Variants in CDH4 observed in about 807,000 individuals in gnomAD.
CDH4 encodes the protein cadherin-4.
CDH4 carries 33 observed loss-of-function variants against 86.0 expected under a neutral mutation model. That is an observed-to-expected ratio of 0.38 (90% CI 0.29 to 0.51). The LOEUF is 0.51. Among genes scored for constraint, CDH4 ranks in the 20% least tolerant of loss-of-function variants. The pLI is 0.86. For synonymous variants in CDH4, 555 were observed against 549.4 expected (o/e 1.01, Z -0.14); for missense variants, 1,114 against 1,307.4 (o/e 0.85, Z 2.28).
intron 2 of CDH4, among the ~76,000 whole-genome samples, chr20:61,628,978 A>G (rs1288688153): frequency 7.2e-5 from 11 of 152,186 alleles, no homozygotes; most frequent in Admixed American, 4.6e-4. Context: ...ATAAATGCTT[A>G]ATGAGCGTGT....
At chr20:61,506,248 C>T (rs2085740847) in intron 2 of CDH4, among the ~76,000 whole-genome samples, 1 of 152,074 alleles carries the variant, frequency 6.6e-6, no homozygotes, top group Non-Finnish European at 1.5e-5. Context: ...GCGGTGCATG[C>T]AAAAAACAAA....
Position 61,449,250 on chromosome 20 carries a change from G to T in CDH4, c.169+194313G>T, listed in dbSNP as rs530170566. Among the ~76,000 whole-genome samples the T allele has an allele frequency of 1.6e-4, 24 of 152,284 alleles. No homozygotes were observed. The Middle Eastern group carries it at 0.01, about 65-fold the overall frequency. On this transcript the variant is annotated intron_variant, in intron 2 of 15. Transcript: ENST00000614565. ...CATGGTGCATTTATCTCCACGGGGG[G>T]GCCGAGGGACCTTGAAACCAAGGTC... is the stretch of plus-strand genomic sequence containing the variant.
rs1984875331 is a variant in CDH4 at position 61,892,694 on chromosome 20, T to C, written c.1051-2216T>C. ...GCTGCATAATAAAAGATCCCAAAAC[T>C]TAGCAGCCTAAAACAACCACCATTT... On this transcript the variant is annotated intron_variant, in intron 7 of 15. Transcript: ENST00000614565. 1.3e-5 allele frequency among the ~76,000 whole-genome samples: 2 copies of C among 152,156 alleles called. 1 individual carries two copies. Among genetic ancestry groups the C allele is most frequent in the South Asian group, 4.1e-4 (2 of 4,828 alleles).
At chr20:61,534,481 G>A (rs541803262) in intron 2 of CDH4, among the ~76,000 whole-genome samples, 12 of 152,166 alleles carry the variant, frequency 7.9e-5, no homozygotes, top group African/African-American at 1.4e-4. Flanking sequence ...CAGGCTCACC[G>A]CCGTGATCGG....
chr20:61,565,303 G>C lies in CDH4; in HGVS notation c.170-178260G>C, dbSNP rs6121690. The stretch of plus-strand genomic sequence containing the variant: ...GTGATGGGGTGATGGTGGTGGCGGT[G>C]CTCTTGGTGGTGGCGGTGCTCTTGG... On this transcript the variant is annotated intron_variant, in intron 2 of 15. Transcript: ENST00000614565. Among the ~76,000 whole-genome samples, 443 of 51,108 alleles carry C rather than the reference G, an allele frequency of 8.7e-3. 22 individuals carry two copies. Among genetic ancestry groups the C allele is most frequent in the Non-Finnish European group, 0.014 (330 of 24,076 alleles). 33.5% of individuals were successfully genotyped at this position (51,108 alleles called of 152,430 possible).
chr20:61,493,729 C>T (rs1047624682), intron 2 of CDH4, among the ~76,000 whole-genome samples: 1 of 152,170 alleles, frequency 6.6e-6, no homozygotes, highest in South Asian at 2.1e-4. Context: ...CCTCCCTAGC[C>T]AGTCTTCTTG....
At chr20:61,337,348 A>ATTGATG (rs2123276123) in intron 2 of CDH4, among the ~76,000 whole-genome samples, 1 of 442 alleles carries the variant, frequency 2.3e-3, no homozygotes, top group African/African-American at 6.5e-3. Flanking sequence ...TGGTGATGAT[A>ATTGATG]ACAATGGTGA....
chr20:61,723,013 C>T (rs1001119863), intron 2 of CDH4, among the ~76,000 whole-genome samples: 12 of 152,176 alleles, frequency 7.9e-5, no homozygotes, highest in African/African-American at 2.9e-4. Context: ...TTGGACTGAC[C>T]CCTGGCTGAG....
At chr20:61,821,710 G>A (rs1297321412) in intron 4 of CDH4, among the ~76,000 whole-genome samples, 1 of 152,226 alleles carries the variant, frequency 6.6e-6, no homozygotes, top group Non-Finnish European at 1.5e-5. Flanking sequence ...GTCTACTTTG[G>A]ATCTACAGGA....
chr20:61,845,770 G>A (rs1281438745), intron 5 of CDH4, among the ~76,000 whole-genome samples: 1 of 152,264 alleles, frequency 6.6e-6, no homozygotes, highest in Non-Finnish European at 1.5e-5. Context: ...TGGTAACTCG[G>A]GAACAACCAT....
intron 3 of CDH4, among the ~76,000 whole-genome samples, chr20:61,768,956 GC>G (rs2088737463): frequency 6.6e-6 from 1 of 152,204 alleles, no homozygotes; most frequent in Non-Finnish European, 1.5e-5. Context: ...GATTCAGAGG[GC>G]CCTGGTGAGC....
chr20:61,715,298 A>G (rs1013882169), intron 2 of CDH4, among the ~76,000 whole-genome samples: 4 of 152,206 alleles, frequency 2.6e-5, no homozygotes, highest in Admixed American at 6.5e-5. Flanking sequence ...TAAATTCTGC[A>G]TATGAGTCCT....
intron 4 of CDH4, among the ~76,000 whole-genome samples, chr20:61,808,422 C>T (rs1406706044): frequency 6.6e-6 from 1 of 152,124 alleles, no homozygotes; most frequent in East Asian, 1.9e-4. Flanking sequence ...AATCACTCCG[C>T]CCTGCAGTCG....
At chr20:61,772,953 C>G in intron 3 of CDH4, 50 bp from the exon 4 acceptor site, 1 of 1,547,778 alleles carries the variant, frequency 6.5e-7, no homozygotes, top group East Asian at 2.3e-5. Context: ...TTCCTCTGTG[C>G]AAAACCTAAC....
intron 2 of CDH4, among the ~76,000 whole-genome samples, chr20:61,640,341 G>A (rs1301348679): frequency 6.6e-6 from 1 of 152,224 alleles, no homozygotes; most frequent in African/African-American, 2.4e-5. Flanking sequence ...CATCCAGGGT[G>A]CATGAGGGCC....
chr20:61,768,390 G>A (rs1478786804), intron 3 of CDH4, among the ~76,000 whole-genome samples: 6 of 152,122 alleles, frequency 3.9e-5, no homozygotes, highest in Admixed American at 3.9e-4. Context: ...GCATACATGT[G>A]TGCATAGCGC....
intron 2 of CDH4, among the ~76,000 whole-genome samples, chr20:61,266,589 G>A (rs951935268): frequency 2.0e-5 from 3 of 151,756 alleles, no homozygotes; most frequent in East Asian, 2.0e-4. Context: ...AAGGAGAAAC[G>A]CAGGCTGCAG....
intron 2 of CDH4, among the ~76,000 whole-genome samples, chr20:61,514,802 T>C (rs1167939633): frequency 6.6e-6 from 1 of 152,238 alleles, no homozygotes; most frequent in Non-Finnish European, 1.5e-5. Context: ...TCGATATTCA[T>C]TGTCTCAAGA....
At position 61,322,217 on chromosome 20, in the gene CDH4, C is replaced by T. The variant is rs76883778; in HGVS notation, c.169+67280C>T. ...CTGCTGGCCTGTGGTTGGGAGCTAACGTTCCTCATTTGACTAACTACCCCC... is the reference window on the plus strand; with the variant it reads ...CTGCTGGCCTGTGGTTGGGAGCTAATGTTCCTCATTTGACTAACTACCCCC... On this transcript the variant is annotated intron_variant, in intron 2 of 15. Transcript: ENST00000614565. Among the ~76,000 whole-genome samples the T allele has an allele frequency of 1.6e-4, 25 of 152,318 alleles. No individual in the cohort carries two copies. The East Asian group carries it at 2.3e-3, about 14-fold the overall frequency.
Sources: allele counts gnomAD v4.1 joint callset (sites outside exome capture counted in the v4.1 genomes callset), GRCh38; gene constraint gnomAD v4.1.1; transcripts MANE v1.5; gene names NCBI Gene and HGNC (gene_info 2026-07-23, HGNC 2026-07-21).